The following SPAG16 variants were observed in gnomAD, a reference collection of about 807,000 sequenced individuals.
SPAG16 encodes the protein sperm-associated antigen 16 protein.
SPAG16 carries 86 observed loss-of-function variants against 80.4 expected under a neutral mutation model. The ratio of observed to expected loss-of-function variants is 1.07; its 90% CI spans 0.90 to 1.28. The LOEUF (loss-of-function observed/expected upper bound fraction) is 1.28, where lower values mean the gene tolerates loss of function less well. Among genes scored for constraint, SPAG16 ranks in the 50% most tolerant of loss-of-function variants. The pLI is 0.00. For synonymous variants in SPAG16, 294 were observed against 265.9 expected (o/e 1.11, Z -1.03); for missense variants, 870 against 765.3 (o/e 1.14, Z -1.61).
chr2:214,407,922 T>C (rs1354332836), intron 15 of SPAG16, among the ~76,000 whole-genome samples: 2 of 152,204 alleles, frequency 1.3e-5, no homozygotes, highest in African/African-American at 2.4e-5. Context: ...TATAAACTTA[T>C]ATTCATTTTA....
chr2:213,433,419 C>A (rs1423637454), intron 9 of SPAG16, among the ~76,000 whole-genome samples: 1 of 152,114 alleles, frequency 6.6e-6, no homozygotes, highest in African/African-American at 2.4e-5. Context: ...TATACAAAAT[C>A]AATTTACAAA....
intron 10 of SPAG16, among the ~76,000 whole-genome samples, chr2:213,755,161 T>C (rs2068265618): frequency 6.6e-6 from 1 of 152,206 alleles, no homozygotes; most frequent in Non-Finnish European, 1.5e-5. Flanking sequence ...GCAGGTTCAG[T>C]GTATTTTTTT....
At chr2:213,415,780 T>C (rs1380053984) in intron 9 of SPAG16, among the ~76,000 whole-genome samples, 3 of 152,178 alleles carry the variant, frequency 2.0e-5, no homozygotes, top group African/African-American at 7.2e-5. Context: ...GTAAAGCTGC[T>C]TGGTTAACTG....
At chr2:214,194,338 T>C (rs546395508) in intron 15 of SPAG16, among the ~76,000 whole-genome samples, 5 of 152,186 alleles carry the variant, frequency 3.3e-5, no homozygotes, top group African/African-American at 9.6e-5. Flanking sequence ...TGTGTACTCA[T>C]AGACTGTATC....
At chr2:214,197,542 A>T (rs891170277) in intron 15 of SPAG16, among the ~76,000 whole-genome samples, 1 of 152,110 alleles carries the variant, frequency 6.6e-6, no homozygotes, top group Admixed American at 6.6e-5. Flanking sequence ...AAATCTCCAT[A>T]GTGAAAATTC....
chr2:213,585,613 C>T (rs1252774434), intron 10 of SPAG16, among the ~76,000 whole-genome samples: 1 of 152,118 alleles, frequency 6.6e-6, no homozygotes, highest in Non-Finnish European at 1.5e-5. Flanking sequence ...TGTTTTAAGA[C>T]AACCAAAGAT....
At chr2:213,950,039 A>G (rs1008729417) in intron 12 of SPAG16, among the ~76,000 whole-genome samples, 1 of 152,202 alleles carries the variant, frequency 6.6e-6, no homozygotes, top group Admixed American at 6.5e-5. Flanking sequence ...TAGTTAGGTG[A>G]CATGAACTGA....
intron 6 of SPAG16, among the ~76,000 whole-genome samples, chr2:213,349,755 A>T (rs2065220636): frequency 6.6e-6 from 1 of 152,194 alleles, no homozygotes; most frequent in African/African-American, 2.4e-5. Context: ...AGTAATGTGG[A>T]ATAATCTAAA....
At chr2:214,071,824 C>G (rs1383091216) in intron 13 of SPAG16, among the ~76,000 whole-genome samples, 4 of 151,914 alleles carry the variant, frequency 2.6e-5, no homozygotes, top group Admixed American at 6.6e-5. Flanking sequence ...CAATTTTTGC[C>G]TTATTCTTTT....
chr2:213,788,509 GTTAT>G (rs1173154383), intron 10 of SPAG16, among the ~76,000 whole-genome samples: 8 of 151,722 alleles, frequency 5.3e-5, no homozygotes, highest in Admixed American at 3.9e-4. Context: ...AAGATTCTTT[GTTAT>G]TTATTTAATT....
chr2:213,638,407 A>G (rs2062453370), intron 10 of SPAG16, among the ~76,000 whole-genome samples: 1 of 151,920 alleles, frequency 6.6e-6, no homozygotes, highest in South Asian at 2.1e-4. Flanking sequence ...CTTAGCAGGG[A>G]TTTTGCTGTT....
At chr2:213,637,306 C>T (rs1001869120) in intron 10 of SPAG16, among the ~76,000 whole-genome samples, 1 of 152,026 alleles carries the variant, frequency 6.6e-6, no homozygotes, top group African/African-American at 2.4e-5. Flanking sequence ...AAGAAACCCA[C>T]TTGATCTTTT....
intron 15 of SPAG16, among the ~76,000 whole-genome samples, chr2:214,336,770 TAG>T (rs1345270335): frequency 6.6e-6 from 1 of 151,484 alleles, no homozygotes; most frequent in Non-Finnish European, 1.5e-5. Flanking sequence ...TGCATAGAAA[TAG>T]AGTGTTTTTG....
chr2:213,677,457 G>T (rs565653050), intron 10 of SPAG16, among the ~76,000 whole-genome samples: 4 of 151,884 alleles, frequency 2.6e-5, no homozygotes, highest in East Asian at 1.9e-4. Flanking sequence ...AAAAAGGCAG[G>T]GGTTGCAATC....
chr2:213,339,603 A>G (rs888589760), intron 5 of SPAG16, among the ~76,000 whole-genome samples: 3 of 152,174 alleles, frequency 2.0e-5, no homozygotes, highest in Non-Finnish European at 4.4e-5. Context: ...ATTGAAGACC[A>G]TTCTCATCAA....
intron 7 of SPAG16, among the ~76,000 whole-genome samples, chr2:213,362,783 G>A (rs979280337): frequency 3.3e-5 from 5 of 152,150 alleles, no homozygotes; most frequent in Admixed American, 1.3e-4. Flanking sequence ...AGGAATACCC[G>A]AGACTGGGTA....
chr2:214,013,341 A>G (rs2047413768), intron 12 of SPAG16, among the ~76,000 whole-genome samples: 1 of 152,110 alleles, frequency 6.6e-6, no homozygotes. Flanking sequence ...TTGTGGCGAG[A>G]ACTTTCAAAA....
At chr2:213,627,775 G>T (rs546041253) in intron 10 of SPAG16, among the ~76,000 whole-genome samples, 3 of 152,250 alleles carry the variant, frequency 2.0e-5, no homozygotes, top group African/African-American at 7.2e-5. Flanking sequence ...ATGCCAATGG[G>T]TATTCATATT....
chr2:213,367,661 G>T (rs1484356182), intron 8 of SPAG16, among the ~76,000 whole-genome samples: 1 of 151,638 alleles, frequency 6.6e-6, no homozygotes, highest in African/African-American at 2.4e-5. Flanking sequence ...AAATTGGTTT[G>T]AGTTCTTTGT....
Sources: gnomAD v4.1 joint callset for allele counts (sites outside exome capture counted in the v4.1 genomes callset) on GRCh38, gnomAD v4.1.1 for gene constraint, MANE v1.5 for transcripts, NCBI Gene and HGNC (gene_info 2026-07-23, HGNC 2026-07-21) for gene names.